The following GALNTL6 variants were observed in gnomAD, a reference collection of about 807,000 sequenced individuals.
GALNTL6 encodes polypeptide N-acetylgalactosaminyltransferase-like 6.
GALNTL6 carries 46 observed loss-of-function variants against 73.7 expected under a neutral mutation model. That is an observed-to-expected ratio of 0.62 (90% CI 0.49 to 0.80). GALNTL6 has a LOEUF of 0.80. GALNTL6 is among the 30% of genes least tolerant of loss of function. The pLI is 0.00. For synonymous variants in GALNTL6, 259 were observed against 263.7 expected (o/e 0.98, Z 0.17); for missense variants, 604 against 755.0 (o/e 0.80, Z 2.34).
At chr4:172,904,594 A>T (rs1746789283) in intron 8 of GALNTL6, among the ~76,000 whole-genome samples, 1 of 152,046 alleles carries the variant, frequency 6.6e-6, no homozygotes, top group African/African-American at 2.4e-5. Flanking sequence ...TCTGTTGGGG[A>T]GTCAGTCTTA....
intron 5 of GALNTL6, among the ~76,000 whole-genome samples, chr4:172,783,301 A>T (rs1443787392): frequency 6.7e-6 from 1 of 149,528 alleles, no homozygotes; most frequent in African/African-American, 2.4e-5. Flanking sequence ...CCTTCAATTG[A>T]TCTATAGATT....
chr4:172,742,652 A>G (rs974937477), intron 5 of GALNTL6, among the ~76,000 whole-genome samples: 1 of 152,090 alleles, frequency 6.6e-6, no homozygotes, highest in Non-Finnish European at 1.5e-5. Context: ...TATTCTGGCT[A>G]TGTAAGAGAC....
At chr4:171,951,163 G>A (rs921783518) in intron 2 of GALNTL6, among the ~76,000 whole-genome samples, 2 of 151,786 alleles carry the variant, frequency 1.3e-5, no homozygotes, top group Non-Finnish European at 2.9e-5. Context: ...GAAATAGAAA[G>A]GTTGAAAGAA....
intron 2 of GALNTL6, among the ~76,000 whole-genome samples, chr4:171,927,302 T>C (rs1196985295): frequency 6.6e-6 from 1 of 152,162 alleles, no homozygotes; most frequent in Admixed American, 6.5e-5. Context: ...CTTTTTTTGT[T>C]TTTTAGAAGA....
chr4:172,367,244 G>A (rs1213368434), intron 5 of GALNTL6, among the ~76,000 whole-genome samples: 1 of 152,136 alleles, frequency 6.6e-6, no homozygotes, highest in Admixed American at 6.6e-5. Context: ...CAGATATGCT[G>A]GTTACTTTCT....
At position 172,708,422 on chromosome 4, in the gene GALNTL6, G is replaced by T. The variant is rs181207084; in HGVS notation, c.554-100939G>T. Among the ~76,000 whole-genome samples the T allele has an allele frequency of 1.5e-3, 228 of 152,296 alleles. 2 individuals are homozygous for T. Among genetic ancestry groups the T allele is most frequent in the African/African-American group, 5.2e-3 (216 of 41,576 alleles). On this transcript the variant is annotated intron_variant, in intron 5 of 12. Coordinates refer to ENST00000506823, the MANE Select transcript of GALNTL6 (RefSeq NM_001034845.3). The stretch of plus-strand genomic sequence containing the variant: ...TCCAGGCATTTCTCTACCAATGTCT[G>T]AGCAGTGAGTCTGTACAGTTTATGG...
chr4:172,256,468 C>T (rs1309363659), intron 3 of GALNTL6, among the ~76,000 whole-genome samples: 4 of 151,376 alleles, frequency 2.6e-5, no homozygotes, highest in South Asian at 2.1e-4. Flanking sequence ...ATGTAATTGG[C>T]GCAAATGTGT....
chr4:172,471,957 A>G (rs1303053971), intron 5 of GALNTL6, among the ~76,000 whole-genome samples: 1 of 152,204 alleles, frequency 6.6e-6, no homozygotes. Flanking sequence ...CTAATATCCA[A>G]CAATGTAACA....
intron 3 of GALNTL6, among the ~76,000 whole-genome samples, chr4:172,284,235 T>C (rs1469695012): frequency 3.9e-5 from 6 of 152,218 alleles, no homozygotes; most frequent in Admixed American, 1.3e-4. Context: ...CCTTACCCTA[T>C]TTTTGCAATA....
At chr4:172,495,400 C>T (rs1328802304) in intron 5 of GALNTL6, among the ~76,000 whole-genome samples, 1 of 152,166 alleles carries the variant, frequency 6.6e-6, no homozygotes, top group East Asian at 1.9e-4. Flanking sequence ...GTATCCAGCA[C>T]AGTCTTACTA....
chr4:171,829,022 A>C (rs1334723984), intron 2 of GALNTL6, among the ~76,000 whole-genome samples: 1 of 152,180 alleles, frequency 6.6e-6, no homozygotes, highest in Non-Finnish European at 1.5e-5. Flanking sequence ...CAAAATATGC[A>C]TTAATTGACA....
chr4:172,693,862 G>A (rs984923473), intron 5 of GALNTL6, among the ~76,000 whole-genome samples: 4 of 152,352 alleles, frequency 2.6e-5, no homozygotes, highest in African/African-American at 9.6e-5. Context: ...TGCCTTGAAT[G>A]ATGAACCCTC....
intron 7 of GALNTL6, among the ~76,000 whole-genome samples, chr4:172,829,190 C>T (rs570081766): frequency 1.3e-5 from 2 of 152,318 alleles, no homozygotes; most frequent in South Asian, 2.1e-4. Context: ...ATGCACTCTT[C>T]GGAGCGCAAA....
At chr4:172,443,222 G>C (rs1731904908) in intron 5 of GALNTL6, among the ~76,000 whole-genome samples, 1 of 140,692 alleles carries the variant, frequency 7.1e-6, no homozygotes. Flanking sequence ...CTGGAGTGCA[G>C]TGGCACGATT....
At chr4:172,700,532 A>T (rs923852101) in intron 5 of GALNTL6, among the ~76,000 whole-genome samples, 1 of 152,086 alleles carries the variant, frequency 6.6e-6, no homozygotes, top group Admixed American at 6.6e-5. Context: ...TCCTATTTAG[A>T]CTGAGACTCC....
intron 2 of GALNTL6, among the ~76,000 whole-genome samples, chr4:172,057,725 A>AT (rs1275437394): frequency 1.1e-3 from 66 of 62,726 alleles, no homozygotes; most frequent in Non-Finnish European, 1.8e-3. Context: ...AAAAAAAAAA[A>AT]AAATATATAT....
Position 172,278,946 on chromosome 4 carries a change from G to T in GALNTL6, c.248-32668G>T, listed in dbSNP as rs530658969. ...TGGCCAAATGATTTTCAACAAGGGT[G>T]CCAAGAGTATTCAGTGGGGAAAAGG... is the stretch of plus-strand genomic sequence containing the variant. On this transcript the variant is annotated intron_variant, in intron 3 of 12. Transcript: ENST00000506823. Among the ~76,000 whole-genome samples the T allele has an allele frequency of 3.3e-5, 5 of 152,254 alleles. No individual in the cohort carries two copies. In the South Asian group the frequency reaches 1.0e-3, roughly 32 times the overall value.
intron 3 of GALNTL6, among the ~76,000 whole-genome samples, chr4:172,301,504 T>G (rs1465050915): frequency 6.6e-6 from 1 of 152,190 alleles, no homozygotes; most frequent in Non-Finnish European, 1.5e-5. Context: ...TGGTTTTATC[T>G]ACCTTTGGTC....
rs201920170 is a variant in GALNTL6 at position 172,264,555 on chromosome 4, A to AATATATATATAT, written c.247+34818_247+34829dup. Among the ~76,000 whole-genome samples, 951 of 103,354 alleles carry AATATATATATAT rather than the reference A, an allele frequency of 9.2e-3. 9 individuals are homozygous for AATATATATATAT. The highest frequency in any genetic ancestry group is 0.022 in the South Asian group (61 of 2,734). 67.8% of individuals were successfully genotyped at this position (103,354 alleles called of 152,430 possible). A position where few individuals can be genotyped will look rare whatever the true frequency, so the allele number is the denominator to read the frequency against. ...AATAAGGTTGGCATAATATATGCCA[A>AATATATATATAT]ATATATATATATATATATATATATA... On this transcript the variant is annotated intron_variant, in intron 3 of 12. Transcript: ENST00000506823.
Sources: allele counts gnomAD v4.1 joint callset (sites outside exome capture counted in the v4.1 genomes callset), GRCh38; gene constraint gnomAD v4.1.1; transcripts MANE v1.5; gene names NCBI Gene and HGNC (gene_info 2026-07-23, HGNC 2026-07-21).